Variants in IRAK1BP1 observed in about 807,000 individuals in gnomAD.
The protein encoded by IRAK1BP1 is interleukin-1 receptor-associated kinase 1-binding protein 1.
Under a neutral mutation model 28.0 loss-of-function variants are expected in IRAK1BP1, and 24 were observed. That is an observed-to-expected ratio of 0.86 (90% CI 0.62 to 1.20). The LOEUF is 1.20. IRAK1BP1 is among the 50% of genes most tolerant of loss of function. IRAK1BP1 has a pLI of 0.00. For synonymous variants in IRAK1BP1, 131 were observed against 116.3 expected (o/e 1.13, Z -0.81); for missense variants, 336 against 316.7 (o/e 1.06, Z -0.46).
At position 78,897,010 on chromosome 6, in the gene IRAK1BP1, A is replaced by G. The variant is rs558537793; in HGVS notation, c.382-819A>G. Among the ~76,000 whole-genome samples the G allele has an allele frequency of 1.0e-3, 153 of 152,012 alleles. 2 individuals are homozygous for G. Among genetic ancestry groups the G allele is most frequent in the Middle Eastern group, 6.8e-3 (2 of 294 alleles). On this transcript the variant is annotated intron_variant, in intron 2 of 3. Transcript: ENST00000369940. ...CTGCGTGTGGTGTCTCATGTCTACAACCGCTAAGGTGGGAGGATTGCTTGA... is the reference window on the plus strand; with the variant it reads ...CTGCGTGTGGTGTCTCATGTCTACAGCCGCTAAGGTGGGAGGATTGCTTGA...
chr6:78,941,056 T>C (rs760828705), intron 4 of IRAK1BP1: 26 of 1,613,922 alleles, frequency 1.6e-5, no homozygotes, highest in African/African-American at 2.7e-5. Flanking sequence ...AATCTTCCTT[T>C]ACATTATTAG....
the IRAK1BP1 span, among the ~76,000 whole-genome samples, chr6:78,975,344 C>A: frequency 3.4e-4 from 52 of 152,310 alleles, no homozygotes; most frequent in Middle Eastern, 3.4e-3. Context: ...TAAAAACTCT[C>A]AATAAATTAG....
intron 1 of IRAK1BP1, among the ~76,000 whole-genome samples, chr6:78,870,741 G>A (rs1290728167): frequency 6.6e-6 from 1 of 151,400 alleles, no homozygotes; most frequent in African/African-American, 2.4e-5. Flanking sequence ...ATGGAGTTTC[G>A]CTTTTGTCGC....
intron 4 of IRAK1BP1, among the ~76,000 whole-genome samples, chr6:78,925,240 C>T (rs1034234880): frequency 9.2e-5 from 14 of 151,938 alleles, no homozygotes; most frequent in Admixed American, 6.6e-4. Context: ...TTAGTGGGTA[C>T]GGCACACCAA....
At chr6:78,979,247 A>T in the IRAK1BP1 span, among the ~76,000 whole-genome samples, 1 of 152,068 alleles carries the variant, frequency 6.6e-6, no homozygotes, top group East Asian at 1.9e-4. Context: ...ATCTCTCCAA[A>T]TCACTGTCTA....
intron 1 of IRAK1BP1, chr6:78,871,194 T>G: frequency 1.1e-6 from 1 of 876,860 alleles, no homozygotes; most frequent in African/African-American, 1.8e-5. Flanking sequence ...CCCTGATATC[T>G]CTGCTTCCCC....
chr6:78,971,600 AT>A, the IRAK1BP1 span, among the ~76,000 whole-genome samples: 1 of 152,114 alleles, frequency 6.6e-6, no homozygotes. Context: ...TGATTTCTGC[AT>A]TTCCATCTGA....
At chr6:78,921,666 G>T (rs538506469) in intron 4 of IRAK1BP1, among the ~76,000 whole-genome samples, 2 of 152,306 alleles carry the variant, frequency 1.3e-5, no homozygotes, top group East Asian at 3.9e-4. Flanking sequence ...TAACTGGGAG[G>T]CATCCCCCAG....
downstream of IRAK1BP1, among the ~76,000 whole-genome samples, chr6:78,908,030 T>TTTTATTTATTTA (rs528275854): frequency 1.1e-4 from 16 of 147,914 alleles, no homozygotes; most frequent in African/African-American, 3.8e-4. Context: ...TTATTTTTTA[T>TTTTATTTATTTA]TTTATTTATT....
the IRAK1BP1 span, among the ~76,000 whole-genome samples, chr6:78,973,168 C>T: frequency 6.6e-6 from 1 of 152,126 alleles, no homozygotes; most frequent in African/African-American, 2.4e-5. Flanking sequence ...ATTAGACTAA[C>T]AGCGGATCTC....
At chr6:78,870,442 T>A in intron 1 of IRAK1BP1, among the ~76,000 whole-genome samples, 1 of 152,160 alleles carries the variant, frequency 6.6e-6, no homozygotes, top group South Asian at 2.1e-4. Flanking sequence ...CATTTGTTCT[T>A]TTTTTGCCTG....
At chr6:78,955,324 T>C in the IRAK1BP1 span, 1 of 1,380,720 alleles carries the variant, frequency 7.2e-7, no homozygotes, top group Non-Finnish European at 1.0e-6. Flanking sequence ...ACATTTTAGA[T>C]GTCATTATAC....
At chr6:78,914,478 C>G (rs930307017) in intron 4 of IRAK1BP1, among the ~76,000 whole-genome samples, 1 of 152,144 alleles carries the variant, frequency 6.6e-6, no homozygotes, top group Non-Finnish European at 1.5e-5. Flanking sequence ...ATGAGTGTTT[C>G]CCAAGATGCA....
chr6:78,940,496 TTATA>T lies in IRAK1BP1; in HGVS notation c.*68-4896_*68-4893del, dbSNP rs55984056. The stretch of plus-strand genomic sequence containing the variant: ...ACATTTAAAATATATATGTATATAT[TTATA>T]TATATATATATATATTCATTTAAAG... On this transcript the variant is annotated intron_variant and NMD_transcript_variant, in intron 4 of 4. Coordinates refer to the IRAK1BP1 transcript ENST00000606868. 0.46 allele frequency: 59,580 copies of T among 130,168 alleles called. 14,101 individuals carry two copies. Among genetic ancestry groups the T allele is most frequent in the East Asian group, 0.69 (3,084 of 4,458 alleles). 8.1% of individuals were successfully genotyped at this position (130,168 alleles called of 1,614,324 possible). A position where few individuals can be genotyped will look rare whatever the true frequency, so the allele number is the denominator to read the frequency against.
intron 1 of IRAK1BP1, among the ~76,000 whole-genome samples, chr6:78,884,085 G>T (rs1030352211): frequency 2.0e-5 from 3 of 152,050 alleles, no homozygotes; most frequent in African/African-American, 7.2e-5. Context: ...CAATGAGTAG[G>T]TATTACTTTC....
intron 2 of IRAK1BP1, among the ~76,000 whole-genome samples, chr6:78,886,365 AATC>A (rs1273767327): frequency 6.6e-6 from 1 of 152,192 alleles, no homozygotes; most frequent in East Asian, 1.9e-4. Context: ...TGCTTCCTGT[AATC>A]ATTTTGTGAT....
At chr6:78,968,279 C>T in the IRAK1BP1 span, among the ~76,000 whole-genome samples, 41 of 152,200 alleles carry the variant, frequency 2.7e-4, no homozygotes, top group African/African-American at 9.2e-4. Context: ...CAGATTTCTT[C>T]ACTCATCAAT....
chr6:78,878,883 C>G (rs1771112206), intron 1 of IRAK1BP1, among the ~76,000 whole-genome samples: 1 of 152,048 alleles, frequency 6.6e-6, no homozygotes, highest in African/African-American at 2.4e-5. Context: ...ATTAGATGAA[C>G]TGGAAGAAAG....
intron 4 of IRAK1BP1, among the ~76,000 whole-genome samples, chr6:78,927,898 T>C (rs1206070835): frequency 1.3e-5 from 2 of 152,156 alleles, no homozygotes; most frequent in African/African-American, 4.8e-5. Flanking sequence ...TCTATGTGTG[T>C]CTGTTTTTAT....
Sources: gnomAD v4.1 joint callset for allele counts (sites outside exome capture counted in the v4.1 genomes callset) on GRCh38, gnomAD v4.1.1 for gene constraint, MANE v1.5 for transcripts, NCBI Gene and HGNC (gene_info 2026-07-23, HGNC 2026-07-21) for gene names.